The following IMMP2L variants were observed in gnomAD, a reference collection of about 807,000 sequenced individuals.
IMMP2L encodes mitochondrial inner membrane protease subunit 2.
Under a neutral mutation model 19.3 loss-of-function variants are expected in IMMP2L, and 18 were observed. The observed-to-expected ratio is 0.93, with a 90% CI of 0.64 to 1.38. IMMP2L has a LOEUF of 1.38. Ranked by LOEUF, IMMP2L falls within the 40% of genes most tolerant of loss-of-function variation. The pLI, the probability that IMMP2L is intolerant of heterozygous loss-of-function variation, is 0.00. For missense variants in IMMP2L, 233 were observed against 218.2 expected (o/e 1.07, Z -0.43); for synonymous variants, 76 against 73.0 (o/e 1.04, Z -0.21).
intron 3 of IMMP2L, among the ~76,000 whole-genome samples, chr7:111,405,622 C>T (rs1406117763): frequency 1.6e-4 from 24 of 152,018 alleles, no homozygotes; most frequent in Non-Finnish European, 5.9e-5. Flanking sequence ...TGAGGAGAAA[C>T]ATAAATGATA....
chr7:111,455,523 T>A (rs372514838), intron 3 of IMMP2L, among the ~76,000 whole-genome samples: 878 of 126,094 alleles, frequency 7.0e-3, no homozygotes, highest in South Asian at 0.014. Context: ...AATAAAATAC[T>A]GCAGCATCAA....
rs184639022 is a variant in IMMP2L, at chr7:111,169,107, C to T, written c.240-205542G>A. Reference sequence around the variant, plus strand: ...GCAATCATGTAGTTTTTAAAAGTAACGCTGAGATTAAAGGAGAAGTATGTA... The same window carrying T: ...GCAATCATGTAGTTTTTAAAAGTAATGCTGAGATTAAAGGAGAAGTATGTA... On this transcript the variant is annotated intron_variant, in intron 3 of 5. Coordinates refer to ENST00000405709, the MANE Select transcript of IMMP2L (RefSeq NM_032549.4). Among the ~76,000 whole-genome samples the T allele has an allele frequency of 4.6e-5, 7 of 151,868 alleles. 1 individual carries two copies. Among genetic ancestry groups the T allele is most frequent in the Admixed American group, 6.6e-5 (1 of 15,214 alleles).
chr7:110,813,836 A>C (rs762975287), intron 5 of IMMP2L, among the ~76,000 whole-genome samples: 1 of 151,838 alleles, frequency 6.6e-6, no homozygotes, highest in African/African-American at 2.4e-5. Flanking sequence ...CCCAATTTGT[A>C]AAGTGCATTT....
At chr7:111,378,257 TGTC>T (rs1435552946) in intron 3 of IMMP2L, among the ~76,000 whole-genome samples, 1 of 151,996 alleles carries the variant, frequency 6.6e-6, no homozygotes, top group East Asian at 1.9e-4. Context: ...TTTTATTAAA[TGTC>T]AACTGTATAA....
intron 4 of IMMP2L, among the ~76,000 whole-genome samples, chr7:110,946,718 C>T (rs1172152979): frequency 8.8e-6 from 1 of 114,178 alleles, no homozygotes; most frequent in Non-Finnish European, 1.7e-5. Context: ...CATTTAATAC[C>T]TTTTTTTTTT....
chr7:111,174,098 T>C (rs1806764980), intron 3 of IMMP2L, among the ~76,000 whole-genome samples: 1 of 151,680 alleles, frequency 6.6e-6, no homozygotes, highest in Non-Finnish European at 1.5e-5. Context: ...CACATACACA[T>C]ACTCATATAA....
intron 3 of IMMP2L, among the ~76,000 whole-genome samples, chr7:111,388,763 A>G (rs2131306237): frequency 6.6e-6 from 1 of 152,194 alleles, no homozygotes; most frequent in South Asian, 2.1e-4. Context: ...TAGCACAGGA[A>G]AGACCGGCCC....
chr7:111,372,774 G>A (rs988667754), intron 3 of IMMP2L, among the ~76,000 whole-genome samples: 2 of 151,978 alleles, frequency 1.3e-5, no homozygotes, highest in Admixed American at 1.3e-4. Flanking sequence ...AGGATGATAA[G>A]AAACACTAGT....
At chr7:111,384,797 C>T (rs989563557) in intron 3 of IMMP2L, among the ~76,000 whole-genome samples, 7 of 152,068 alleles carry the variant, frequency 4.6e-5, no homozygotes, top group Non-Finnish European at 7.4e-5. Flanking sequence ...ATTTTACATA[C>T]TTTTTACATA....
intron 1 of IMMP2L, among the ~76,000 whole-genome samples, chr7:111,543,118 C>G (rs1278835801): frequency 6.6e-6 from 1 of 152,094 alleles, no homozygotes; most frequent in African/African-American, 2.4e-5. Context: ...TTACTTAATA[C>G]TAGAAAAACA....
chr7:111,438,481 C>T (rs970957130), intron 3 of IMMP2L, among the ~76,000 whole-genome samples: 1 of 151,752 alleles, frequency 6.6e-6, no homozygotes, highest in African/African-American at 2.4e-5. Context: ...CAACTTCTGA[C>T]AATCCTCTAG....
intron 4 of IMMP2L, among the ~76,000 whole-genome samples, chr7:110,920,288 C>A (rs368266996): frequency 6.6e-6 from 1 of 152,100 alleles, no homozygotes; most frequent in East Asian, 1.9e-4. Context: ...CTAGGGAACC[C>A]TAATACAGTA....
intron 3 of IMMP2L, among the ~76,000 whole-genome samples, chr7:111,204,636 C>T (rs1193691199): frequency 4.6e-5 from 7 of 152,086 alleles, no homozygotes; most frequent in Non-Finnish European, 8.8e-5. Context: ...TTCTTGGCTA[C>T]CACCTATATA....
At chr7:110,788,317 CAATT>C (rs1800226322) in intron 5 of IMMP2L, among the ~76,000 whole-genome samples, 1 of 152,036 alleles carries the variant, frequency 6.6e-6, no homozygotes, top group Non-Finnish European at 1.5e-5. Flanking sequence ...TTCAGATTGA[CAATT>C]AATTCTCAGT....
In IMMP2L at chr7:111,405,542, T is replaced by C. The variant is rs146090907; in HGVS notation, c.239+81696A>G. On this transcript the variant is annotated intron_variant, in intron 3 of 5. Transcript: ENST00000405709. ...CAGAGAAACAATATGTGTAAGATTATAAAAGATTAGAGTATTATCTGTTTG... is the reference window on the plus strand; with the variant it reads ...CAGAGAAACAATATGTGTAAGATTACAAAAGATTAGAGTATTATCTGTTTG... 1.9e-3 allele frequency among the ~76,000 whole-genome samples: 282 copies of C among 152,278 alleles called. 1 individual carries two copies. Among genetic ancestry groups the C allele is most frequent in the African/African-American group, 6.5e-3 (272 of 41,562 alleles).
At chr7:111,503,475 C>A (rs1198072598) in intron 2 of IMMP2L, among the ~76,000 whole-genome samples, 1 of 152,104 alleles carries the variant, frequency 6.6e-6, no homozygotes, top group Non-Finnish European at 1.5e-5. Context: ...TTTTAGGAGG[C>A]CAGCATCATC....
chr7:111,253,345 G>A (rs1387185297), intron 3 of IMMP2L, among the ~76,000 whole-genome samples: 1 of 152,122 alleles, frequency 6.6e-6, no homozygotes, highest in Non-Finnish European at 1.5e-5. Context: ...GTAGCTGCCA[G>A]GACTCAAGGA....
chr7:110,744,944 C>T (rs1315080223), intron 5 of IMMP2L, among the ~76,000 whole-genome samples: 1 of 152,132 alleles, frequency 6.6e-6, no homozygotes, highest in African/African-American at 2.4e-5. Flanking sequence ...TGGGTAATAA[C>T]AAACTCCTCT....
chr7:110,836,532 CT>C (rs1390176283), intron 5 of IMMP2L, among the ~76,000 whole-genome samples: 1 of 152,064 alleles, frequency 6.6e-6, no homozygotes, highest in Non-Finnish European at 1.5e-5. Flanking sequence ...TGCCTTTCAC[CT>C]TCCATCATGA....
Sources: allele counts gnomAD v4.1 joint callset (sites outside exome capture counted in the v4.1 genomes callset), GRCh38; gene constraint gnomAD v4.1.1; transcripts MANE v1.5; gene names NCBI Gene and HGNC (gene_info 2026-07-23, HGNC 2026-07-21).